DMD: variants seen among roughly 807,000 people sequenced by gnomAD.
The protein encoded by DMD is dystrophin, also known as mutant dystrophin.
In DMD, 63 loss-of-function variants were observed where a neutral mutation model predicts 330.1. The observed-to-expected ratio is 0.19, with a 90% CI of 0.16 to 0.24. DMD has a LOEUF of 0.24. Among genes scored for constraint, DMD ranks in the 10% least tolerant of loss-of-function variants. The probability of loss-of-function intolerance (pLI) is 1.00; values close to 1 mark genes in which losing one functional copy is unlikely to be tolerated. For synonymous variants in DMD, 1,223 were observed against 959.8 expected (o/e 1.27, Z -5.07); for missense variants, 3,344 against 2,684.1 (o/e 1.25, Z -5.43).
chrX:32,829,918 GCTCT>G (rs2079028881), intron 4 of DMD, among the ~76,000 whole-genome samples: 1 of 111,579 alleles, frequency 9.0e-6, no homozygotes, highest in African/African-American at 3.2e-5. Flanking sequence ...GCTTTAAGAG[GCTCT>G]CTCTCCAAGT....
At chrX:32,879,765 A>C (rs1603452385) in intron 2 of DMD, among the ~76,000 whole-genome samples, 1 of 111,445 alleles carries the variant, frequency 9.0e-6, no homozygotes, top group East Asian at 2.8e-4. Flanking sequence ...GGAAATCAAG[A>C]CCTTCAATCT....
At position 31,628,943 on chromosome X, in the gene DMD, A is replaced by ATATATATATATATAT. The variant is rs756897440; in HGVS notation, c.8028-1082_8028-1081insATATATATATATATA. On this transcript the variant is annotated intron_variant, in intron 54 of 78. Transcript: ENST00000357033. The stretch of plus-strand genomic sequence containing the variant: ...ATATATATATATATATATATATATA[A>ATATATATATATATAT]AATGCATGTATTGTGGATACACACA... Among the ~76,000 whole-genome samples, 115 of 70,610 alleles carry ATATATATATATATAT rather than the reference A, an allele frequency of 1.6e-3. 1 individual carries two copies. Among genetic ancestry groups the ATATATATATATATAT allele is most frequent in the South Asian group, 6.8e-3 (12 of 1,758 alleles). The allele number at this position is 70,610 out of a possible 115,157, so 61.3% of individuals were successfully genotyped here.
chrX:33,128,137 T>C (rs1417874107), intron 1 of DMD: 1 of 1,206,060 alleles, frequency 8.3e-7, no homozygotes, highest in Non-Finnish European at 1.1e-6. Context: ...TATCTGCAGC[T>C]TTTACTCACC....
intron 55 of DMD, among the ~76,000 whole-genome samples, chrX:31,552,938 T>C (rs1000285420): frequency 8.9e-6 from 1 of 111,749 alleles, no homozygotes; most frequent in Non-Finnish European, 1.9e-5. Flanking sequence ...GTGGTAGTAG[T>C]AGTAGTATGG....
chrX:33,041,363 C>T, intron 1 of DMD: 1 of 1,175,448 alleles, frequency 8.5e-7, no homozygotes, highest in Non-Finnish European at 1.1e-6. Context: ...CCCCGGCTTT[C>T]CGCCCCTCCT....
chrX:33,043,791 G>T (rs1043883410), intron 1 of DMD, among the ~76,000 whole-genome samples: 1 of 109,464 alleles, frequency 9.1e-6, no homozygotes, highest in Non-Finnish European at 1.9e-5. Context: ...CCATTAACTC[G>T]TCATTTAACA....
chrX:31,469,344 A>C (rs564619813), intron 59 of DMD, among the ~76,000 whole-genome samples: 50 of 111,487 alleles, frequency 4.5e-4, no homozygotes, highest in African/African-American at 1.4e-3. Flanking sequence ...CCTTCATTAG[A>C]AGCTCTTGTA....
In DMD at chrX:31,458,535, AT is replaced by A. The variant is rs1451707573; in HGVS notation, c.8938-13909del. Among the ~76,000 whole-genome samples, 722 of 103,619 alleles carry A rather than the reference AT, an allele frequency of 7.0e-3. 6 individuals carry two copies. The highest frequency in any genetic ancestry group is 0.025 in the East Asian group (80 of 3,234). 90.0% of individuals were successfully genotyped at this position (103,619 alleles called of 115,157 possible). ...TTTCCAAAAAAAAAAAAAAAAAAAA[AT>A]CACTCATTGGCCAAATCTACCCTTT... On this transcript the variant is annotated intron_variant, in intron 59 of 78. Transcript: ENST00000357033.
intron 44 of DMD, among the ~76,000 whole-genome samples, chrX:32,042,272 G>A (rs7049520): frequency 0.2 from 21,362 of 106,359 alleles, 1,707 homozygotes; most frequent in African/African-American, 0.26. Flanking sequence ...TAAAGGAAAG[G>A]GATTTAATTG....
At chrX:33,226,639 T>C (rs755145768) in intron 1 of DMD, among the ~76,000 whole-genome samples, 6 of 111,465 alleles carry the variant, frequency 5.4e-5, no homozygotes, top group Admixed American at 1.9e-4. Flanking sequence ...GATGGAAATA[T>C]CCTGTATTTT....
chrX:31,340,819 T>G (rs143482342), intron 61 of DMD, among the ~76,000 whole-genome samples: 1,566 of 112,305 alleles, frequency 0.014, 25 homozygotes, highest in African/African-American at 0.048. Context: ...TCTGTAAATA[T>G]TTACTGAACA....
intron 44 of DMD, among the ~76,000 whole-genome samples, chrX:32,080,554 C>T (rs2096384263): frequency 8.9e-6 from 1 of 111,956 alleles, no homozygotes; most frequent in African/African-American, 3.2e-5. Flanking sequence ...TATTTATATG[C>T]ATTATTTTTA....
In DMD at chrX:32,952,336, G is replaced by T. The variant is rs532610620; in HGVS notation, c.93+67803C>A. ...TTTAGTACAGATGGGATTTCACCGC[G>T]TTGGTCAGGCTGGTCTTGAACTCCT... On this transcript the variant is annotated intron_variant, in intron 2 of 78. Transcript: ENST00000357033. Among the ~76,000 whole-genome samples the T allele has an allele frequency of 3.4e-4, 38 of 110,315 alleles. No individual in the cohort carries two copies. In the South Asian group the frequency reaches 3.9e-3, roughly 11 times the overall value.
At chrX:32,547,043 T>C (rs1431378808) in intron 16 of DMD, among the ~76,000 whole-genome samples, 1 of 90,148 alleles carries the variant, frequency 1.1e-5, no homozygotes, top group Non-Finnish European at 2.2e-5. Context: ...TTTAGTAGGA[T>C]CCCAAGATAA....
intron 1 of DMD, among the ~76,000 whole-genome samples, chrX:33,301,679 C>T (rs2053664582): frequency 1.8e-5 from 2 of 111,487 alleles, no homozygotes; most frequent in Admixed American, 1.9e-4. Flanking sequence ...AACGTTGCAT[C>T]CTCCAGAGAG....
chrX:32,509,241 A>AT (rs2045015866), intron 18 of DMD, among the ~76,000 whole-genome samples: 1 of 108,993 alleles, frequency 9.2e-6, no homozygotes, highest in Non-Finnish European at 1.9e-5. Context: ...GAAAATCGCC[A>AT]TTTCTCCTGG....
At chrX:33,027,415 G>C (rs759270469) in intron 1 of DMD, among the ~76,000 whole-genome samples, 1 of 112,602 alleles carries the variant, frequency 8.9e-6, no homozygotes, top group Non-Finnish European at 1.9e-5. Flanking sequence ...ATCATGATTT[G>C]AGTCCAGTAA....
intron 45 of DMD, among the ~76,000 whole-genome samples, chrX:31,942,995 C>T (rs900108733): frequency 1.8e-5 from 2 of 112,274 alleles, no homozygotes; most frequent in Admixed American, 9.4e-5. Context: ...GAAAGCTATA[C>T]AGCAAGTGTT....
At chrX:32,362,763 T>A (rs956327434) in intron 37 of DMD, 25 bp downstream of exon 37, 1 of 1,207,747 alleles carries the variant, frequency 8.3e-7, no homozygotes, top group Non-Finnish European at 1.1e-6. Context: ...AGCACAAGTT[T>A]CCACCTTGGA....
Sources: allele counts gnomAD v4.1 joint callset (sites outside exome capture counted in the v4.1 genomes callset), GRCh38; gene constraint gnomAD v4.1.1; transcripts MANE v1.5; gene names NCBI Gene and HGNC (gene_info 2026-07-23, HGNC 2026-07-21).